The following PKNOX2 variants were observed in gnomAD, a reference collection of about 807,000 sequenced individuals.
PKNOX2 encodes PBX/knotted 1 homeobox 2, also known as homeobox protein PKNOX2.
A neutral mutation model predicts 53.1 loss-of-function variants in PKNOX2; 14 were observed. The ratio of observed to expected loss-of-function variants is 0.26; its 90% CI spans 0.17 to 0.41. PKNOX2 has a LOEUF of 0.41. Ranked by LOEUF, PKNOX2 falls within the 10% of genes least tolerant of loss-of-function variation. The probability of loss-of-function intolerance (pLI) is 1.00; values close to 1 mark genes in which losing one functional copy is unlikely to be tolerated. For missense variants in PKNOX2, 496 were observed against 602.8 expected (o/e 0.82, Z 1.85); for synonymous variants, 257 against 242.8 (o/e 1.06, Z -0.54).
intron 1 of PKNOX2, among the ~76,000 whole-genome samples, chr11:125,194,000 G>A (rs568580601): frequency 2.0e-5 from 3 of 152,274 alleles, no homozygotes; most frequent in African/African-American, 2.4e-5. Flanking sequence ...AGACAATATC[G>A]AAGGGCTGGT....
At chr11:125,267,557 C>T (rs766257752) in intron 2 of PKNOX2, among the ~76,000 whole-genome samples, 3 of 152,178 alleles carry the variant, frequency 2.0e-5, no homozygotes, top group Non-Finnish European at 4.4e-5. Flanking sequence ...CCGCTCTTCT[C>T]GTTTAAAGGG....
At chr11:125,425,093 C>G (rs567495798) in intron 10 of PKNOX2, among the ~76,000 whole-genome samples, 2 of 152,284 alleles carry the variant, frequency 1.3e-5, no homozygotes, top group East Asian at 1.9e-4. Flanking sequence ...TTCAGTGCAT[C>G]GCACAGAGTG....
intron 2 of PKNOX2, among the ~76,000 whole-genome samples, chr11:125,278,970 C>T (rs1360229174): frequency 6.6e-6 from 1 of 152,188 alleles, no homozygotes; most frequent in Non-Finnish European, 1.5e-5. Context: ...TCCGTTTTCC[C>T]AGCCTGGCTG....
In PKNOX2 at chr11:125,211,754, G is replaced by GT. The variant is rs554587379; in HGVS notation, c.-200-23286dup. Among the ~76,000 whole-genome samples, 12 of 152,226 alleles carry GT rather than the reference G, an allele frequency of 7.9e-5. No individual in the cohort carries two copies. The East Asian group carries it at 2.1e-3, about 27-fold the overall frequency. ...TGCAGGGGGAGGTGGGAATGCAGCT[G>GT]TTTTTATCAGTTGTCCTTCCTTGGT... is the stretch of plus-strand genomic sequence containing the variant. On this transcript the variant is annotated intron_variant, in intron 1 of 12. Coordinates refer to ENST00000298282, the MANE Select transcript of PKNOX2 (RefSeq NM_001382323.2).
intron 1 of PKNOX2, among the ~76,000 whole-genome samples, chr11:125,173,521 A>G (rs905329263): frequency 6.6e-6 from 1 of 152,230 alleles, no homozygotes; most frequent in African/African-American, 2.4e-5. Context: ...TCTTTCATAA[A>G]AGAACCAGCT....
chr11:125,361,530 ATCT>A (rs1390362758), intron 4 of PKNOX2, among the ~76,000 whole-genome samples: 1 of 152,046 alleles, frequency 6.6e-6, no homozygotes, highest in African/African-American at 2.4e-5. Flanking sequence ...AATGCCAACC[ATCT>A]TCTTTTTTTT....
chr11:125,216,525 C>T (rs1430471699), intron 1 of PKNOX2, among the ~76,000 whole-genome samples: 1 of 152,202 alleles, frequency 6.6e-6, no homozygotes, highest in African/African-American at 2.4e-5. Flanking sequence ...CCCTTCTCCC[C>T]TCGTTCCCTT....
At chr11:125,267,113 T>G (rs1945414940) in intron 2 of PKNOX2, among the ~76,000 whole-genome samples, 1 of 152,226 alleles carries the variant, frequency 6.6e-6, no homozygotes, top group Non-Finnish European at 1.5e-5. Context: ...GTATCTCCAT[T>G]TGGCTAACTC....
intron 2 of PKNOX2, among the ~76,000 whole-genome samples, chr11:125,254,707 G>T (rs982411946): frequency 6.6e-6 from 1 of 152,144 alleles, no homozygotes; most frequent in Non-Finnish European, 1.5e-5. Flanking sequence ...TGAGTAACAT[G>T]GCATCCCCTG....
At chr11:125,173,638 G>A (rs73615784) in intron 1 of PKNOX2, among the ~76,000 whole-genome samples, 2,294 of 152,336 alleles carry the variant, frequency 0.015, 52 homozygotes, top group African/African-American at 0.052. Flanking sequence ...AAAGTCTTCA[G>A]TCTCAGGTGG....
At position 125,166,372 on chromosome 11, in the gene PKNOX2, A is replaced by C. The variant is rs751085068; in HGVS notation, c.-201+1596A>C. Among the ~76,000 whole-genome samples the C allele has an allele frequency of 8.5e-5, 13 of 152,196 alleles. No individual in the cohort carries two copies. The highest frequency in any genetic ancestry group is 1.5e-4 in the Non-Finnish European group (10 of 68,028). ...CCCGAATTTTTGCTGCTTCCCCCTG[A>C]AAGTGTTTCTTTAGGAGGAGAGGAC... On this transcript the variant is annotated intron_variant, in intron 1 of 12. Transcript: ENST00000298282. This position sits in a 1 kb window ranked among gnomAD's most constrained non-coding sequence, Gnocchi z 4.0.
rs1285515609 is a variant in PKNOX2 at position 125,352,267 on chromosome 11, T to G, written c.87+875T>G. On this transcript the variant is annotated intron_variant, in intron 4 of 12. Coordinates refer to ENST00000298282, the MANE Select transcript of PKNOX2 (RefSeq NM_001382323.2). This position sits in a 1 kb window ranked among gnomAD's most constrained non-coding sequence, Gnocchi z 4.1. ...TTCTCTGACCCTTCCCTTCACACTC[T>G]CCTGTCAATATGAATTCAATAATTA... Among the ~76,000 whole-genome samples the G allele has an allele frequency of 7.2e-5, 11 of 152,170 alleles. No individual in the cohort carries two copies.
chr11:125,341,418 T>C (rs941509213), intron 3 of PKNOX2, among the ~76,000 whole-genome samples: 1 of 151,278 alleles, frequency 6.6e-6, no homozygotes, highest in African/African-American at 2.4e-5. Flanking sequence ...ACTATAACCA[T>C]GTATATATAT....
At chr11:125,415,234 CTTTTTTTTTTTTT>C (rs35920181) in intron 10 of PKNOX2, among the ~76,000 whole-genome samples, 5 of 77,588 alleles carry the variant, frequency 6.4e-5, no homozygotes, top group African/African-American at 1.4e-4. Flanking sequence ...TAAAGTTTAG[CTTTTTTTTTTTTT>C]TTTTTTTTTG....
chr11:125,173,265 G>A (rs185231650), intron 1 of PKNOX2, among the ~76,000 whole-genome samples: 3 of 152,326 alleles, frequency 2.0e-5, no homozygotes, highest in East Asian at 3.9e-4. Context: ...ATGCCCTTGT[G>A]TGATCCTCTT....
chr11:125,351,518 T>C, intron 4 of PKNOX2, 126 bp downstream of exon 4: 6 of 647,800 alleles, frequency 9.3e-6, no homozygotes, highest in Non-Finnish European at 1.6e-5. Context: ...AATCACGTCC[T>C]GGTGGCACTC....
intron 1 of PKNOX2, among the ~76,000 whole-genome samples, chr11:125,189,441 GTGTGTGTATATATATATATATATA>G (rs1956709095): frequency 3.4e-5 from 2 of 57,982 alleles, no homozygotes; most frequent in East Asian, 5.1e-4. Context: ...GTGTGTGTGT[GTGTGTGTATATATATATATATATA>G]TATATATATA....
intron 10 of PKNOX2, among the ~76,000 whole-genome samples, chr11:125,420,534 A>G (rs1956120480): frequency 6.6e-6 from 1 of 152,148 alleles, no homozygotes; most frequent in Admixed American, 6.5e-5. Context: ...TCAAAAAAAA[A>G]AAGAAGAATG....
At chr11:125,194,212 T>C (rs1160864409) in intron 1 of PKNOX2, among the ~76,000 whole-genome samples, 1 of 152,196 alleles carries the variant, frequency 6.6e-6, no homozygotes, top group Non-Finnish European at 1.5e-5. Context: ...CTTCTCCTTT[T>C]CCAGTAGGGC....
Sources: allele counts gnomAD v4.1 joint callset (sites outside exome capture counted in the v4.1 genomes callset), GRCh38; gene constraint gnomAD v4.1.1; non-coding constraint Gnocchi (gnomAD v3.1); transcripts MANE v1.5; gene names NCBI Gene and HGNC (gene_info 2026-07-23, HGNC 2026-07-21).